NPIPB7: variants seen among roughly 807,000 people sequenced by gnomAD.
The protein encoded by NPIPB7 is nuclear pore complex interacting protein family member B7.
For synonymous variants in NPIPB7, 9 were observed against 88.1 expected (o/e 0.10, Z 5.03); for missense variants, 14 against 238.5 (o/e 0.06, Z 6.20).
chr16:28,472,163 A>C (rs2045955702), upstream of NPIPB7, among the ~76,000 whole-genome samples: 1 of 152,248 alleles, frequency 6.6e-6, no homozygotes, highest in African/African-American at 2.4e-5. Flanking sequence ...CTGTAATCCC[A>C]GTATCTCTGG....
chr16:28,472,250 CA>C (rs571252494), upstream of NPIPB7, among the ~76,000 whole-genome samples: 1 of 151,620 alleles, frequency 6.6e-6, no homozygotes, highest in Non-Finnish European at 1.5e-5. Flanking sequence ...CCGTCTCTAC[CA>C]AAAAAATGTA....
upstream of NPIPB7, among the ~76,000 whole-genome samples, chr16:28,472,102 A>C (rs1430521794): frequency 6.6e-6 from 1 of 152,242 alleles, no homozygotes; most frequent in Non-Finnish European, 1.5e-5. Flanking sequence ...TAATTAAGAC[A>C]GTGTTGTATT....
intron 1 of NPIPB7, among the ~76,000 whole-genome samples, chr16:28,467,886 CTAA>C (rs1301796673): frequency 4.8e-5 from 5 of 104,660 alleles, no homozygotes; most frequent in Admixed American, 1.1e-4. Context: ...CCAAAATCTC[CTAA>C]TGTTTTAAGA....
At chr16:28,469,201 G>GGCAC (rs1432983947) in intron 1 of NPIPB7, among the ~76,000 whole-genome samples, 6 of 123,276 alleles carry the variant, frequency 4.9e-5, no homozygotes, top group African/African-American at 1.5e-4. Context: ...CCTATGGCAT[G>GGCAC]GCACGCATCT....
chr16:28,468,858 C>CA (rs1432048015), intron 1 of NPIPB7, among the ~76,000 whole-genome samples: 1 of 89,434 alleles, frequency 1.1e-5, no homozygotes, highest in Non-Finnish European at 2.5e-5. Flanking sequence ...ATGAAAATGG[C>CA]ATGAATAGTG....
intron 1 of NPIPB7, chr16:28,469,589 A>G (rs1243072764): frequency 8.7e-6 from 2 of 228,680 alleles, no homozygotes; most frequent in Non-Finnish European, 1.8e-5. Flanking sequence ...CAAGGGAGAA[A>G]CTGTCTCAAA....
intron 2 of NPIPB7, among the ~76,000 whole-genome samples, chr16:28,463,384 C>G (rs1467978727): frequency 3.4e-4 from 32 of 93,982 alleles, no homozygotes; most frequent in South Asian, 9.6e-4. Context: ...GAATGAGACT[C>G]TGTCTCACAC....
At chr16:28,470,607 GA>G (rs1433001977), upstream of NPIPB7, 2 of 56,970 alleles carry the variant, frequency 3.5e-5, no homozygotes, top group East Asian at 7.0e-4. Context: ...AGGGGAAGGG[GA>G]AGGGGAGGGG....
At chr16:28,470,586 A>AGGAGAG (rs1567250614), upstream of NPIPB7, 129 of 42,328 alleles carry the variant, frequency 3.0e-3, no homozygotes, top group Admixed American at 3.4e-3. Flanking sequence ...GGGGAGGGGA[A>AGGAGAG]GGGGAGGGGG....
At chr16:28,461,672 A>G (rs1486011963) in intron 4 of NPIPB7, among the ~76,000 whole-genome samples, 103 of 146,420 alleles carry the variant, frequency 7.0e-4, no homozygotes, top group African/African-American at 1.6e-3. Flanking sequence ...AAATTGGGCC[A>G]GGCACGGTGG....
chr16:28,457,932 G>T (rs2141677944), intron 6 of NPIPB7, among the ~76,000 whole-genome samples: 1 of 139,814 alleles, frequency 7.2e-6, no homozygotes, highest in Admixed American at 7.3e-5. Flanking sequence ...AAATGAGGTG[G>T]GAATTCTAAA....
At chr16:28,472,145 G>A (rs999963029), upstream of NPIPB7, among the ~76,000 whole-genome samples, 6 of 152,218 alleles carry the variant, frequency 3.9e-5, no homozygotes, top group Admixed American at 6.5e-5. Flanking sequence ...TGGTGCAGTG[G>A]CCCACGCCTG....
intron 2 of NPIPB7, among the ~76,000 whole-genome samples, chr16:28,464,033 CAAAAA>C (rs1221794474): frequency 7.7e-5 from 2 of 26,024 alleles, no homozygotes; most frequent in African/African-American, 2.4e-4. Context: ...GACTCCGTCT[CAAAAA>C]AAAAAAAAAA....
At chr16:28,461,311 A>G (rs1326399519) in intron 4 of NPIPB7, among the ~76,000 whole-genome samples, 1 of 135,432 alleles carries the variant, frequency 7.4e-6, no homozygotes, top group African/African-American at 2.7e-5. Flanking sequence ...GACGACCTCA[A>G]TTGCAGCCTG....
At chr16:28,471,854 A>C (rs1419817016), upstream of NPIPB7, among the ~76,000 whole-genome samples, 1 of 151,920 alleles carries the variant, frequency 6.6e-6, no homozygotes, top group Non-Finnish European at 1.5e-5. Flanking sequence ...GTTGACCTTC[A>C]TGATTGACCT....
At chr16:28,471,877 C>G (rs2045952776), upstream of NPIPB7, among the ~76,000 whole-genome samples, 1 of 152,000 alleles carries the variant, frequency 6.6e-6, no homozygotes, top group African/African-American at 2.4e-5. Context: ...CAGGGATGTC[C>G]AAGGAATCTG....
chr16:28,461,965 A>T (rs1328422211), intron 4 of NPIPB7, among the ~76,000 whole-genome samples: 2 of 149,206 alleles, frequency 1.3e-5, no homozygotes, highest in East Asian at 4.1e-4. Flanking sequence ...AAAAAAAAAA[A>T]AAAAATTGGC....
intron 1 of NPIPB7, among the ~76,000 whole-genome samples, chr16:28,470,023 T>G (rs1443283386): frequency 2.7e-5 from 4 of 146,534 alleles, no homozygotes; most frequent in Admixed American, 2.7e-4. Context: ...CAAATGACAT[T>G]TCACTTTGTT....
At chr16:28,472,148 C>T (rs1170026612), upstream of NPIPB7, among the ~76,000 whole-genome samples, 3 of 152,204 alleles carry the variant, frequency 2.0e-5, no homozygotes, top group Non-Finnish European at 4.4e-5. Context: ...TGCAGTGGCC[C>T]ACGCCTGTAA....
Sources: gnomAD v4.1 joint callset for allele counts (sites outside exome capture counted in the v4.1 genomes callset) on GRCh38, gnomAD v4.1.1 for gene constraint, MANE v1.5 for transcripts, NCBI Gene and HGNC (gene_info 2026-07-23, HGNC 2026-07-21) for gene names.